DMD: variants seen among roughly 807,000 people sequenced by gnomAD.
The protein encoded by DMD is dystrophin.
DMD carries 63 observed loss-of-function variants against 330.1 expected under a neutral mutation model. The observed-to-expected ratio is 0.19, with a 90% CI of 0.16 to 0.24. The LOEUF (loss-of-function observed/expected upper bound fraction) is 0.24, where lower values mean the gene tolerates loss of function less well. DMD is among the 10% of genes least tolerant of loss of function. The pLI is 1.00. For synonymous variants in DMD, 1,223 were observed against 959.8 expected, an observed-to-expected ratio of 1.27 and a Z score of -5.07; for missense variants, 3,344 against 2,684.1, an observed-to-expected ratio of 1.25 and a Z score of -5.43.
At chrX:33,209,728 C>A (rs193055268) in intron 1 of DMD, among the ~76,000 whole-genome samples, 1 of 111,021 alleles carries the variant, frequency 9.0e-6, no homozygotes, top group Admixed American at 9.6e-5. Flanking sequence ...TTTTTAAATG[C>A]AGCGTGAAAA....
intron 62 of DMD, among the ~76,000 whole-genome samples, chrX:31,295,850 A>G (rs191078822): frequency 1.1e-4 from 12 of 112,677 alleles, no homozygotes. Context: ...AATGTTGAGA[A>G]TATACTTACA....
chrX:32,652,924 A>AT (rs1376202455), intron 9 of DMD, among the ~76,000 whole-genome samples: 1 of 111,454 alleles, frequency 9.0e-6, no homozygotes, highest in Non-Finnish European at 1.9e-5. Context: ...GATGATGAGC[A>AT]TTTTTTTCAT....
chrX:33,045,346 T>C (rs2094365181), intron 1 of DMD, among the ~76,000 whole-genome samples: 1 of 25,997 alleles, frequency 3.8e-5, no homozygotes, highest in South Asian at 1.5e-3. Flanking sequence ...ACACAAGTAT[T>C]TCGTGAGATT....
chrX:31,906,214 A>T (rs183304476), intron 47 of DMD, among the ~76,000 whole-genome samples: 5 of 111,795 alleles, frequency 4.5e-5, no homozygotes, highest in African/African-American at 1.3e-4. Flanking sequence ...TTGCTTCCCC[A>T]TCTGCCATGA....
chrX:32,524,788 TA>T (rs1372661500), intron 17 of DMD, among the ~76,000 whole-genome samples: 2 of 112,558 alleles, frequency 1.8e-5, no homozygotes, highest in South Asian at 3.7e-4. Context: ...TCTGACTTTA[TA>T]AATTTGGAAA....
At chrX:32,189,472 C>T (rs56185821) in intron 44 of DMD, among the ~76,000 whole-genome samples, 32,530 of 109,266 alleles carry the variant, frequency 0.3, 3,674 homozygotes, top group Non-Finnish European at 0.35. Context: ...ATAGCTGCTT[C>T]CAATGCCACA....
rs772185989 is a variant in DMD, at chrX:32,236,664, C to T, written c.6291-19601G>A. Among the ~76,000 whole-genome samples, 6 of 111,729 alleles carry T rather than the reference C, an allele frequency of 5.4e-5. No homozygotes were observed. In the Admixed American group the frequency reaches 5.7e-4, roughly 11 times the overall value. On this transcript the variant is annotated intron_variant, in intron 43 of 78. Coordinates refer to ENST00000357033, the MANE Select transcript of DMD (RefSeq NM_004006.3). ...TGCCATTCATGTAAGATGTGACTTG[C>T]TCCTCCTTGCCTTCTGCCAAGATTG...
chrX:32,432,142 C>A (rs943913357), intron 29 of DMD, among the ~76,000 whole-genome samples: 4 of 111,693 alleles, frequency 3.6e-5, no homozygotes, highest in Non-Finnish European at 7.5e-5. Context: ...TATTACTTTG[C>A]ACTCACAGTG....
At chrX:32,671,032 C>A (rs1170003599) in intron 9 of DMD, among the ~76,000 whole-genome samples, 2 of 110,572 alleles carry the variant, frequency 1.8e-5, no homozygotes, top group Non-Finnish European at 3.8e-5. Flanking sequence ...CAAAGATCCA[C>A]CAATATAGAT....
intron 5 of DMD, among the ~76,000 whole-genome samples, chrX:32,819,552 T>C (rs978772039): frequency 1.8e-5 from 2 of 111,970 alleles, no homozygotes; most frequent in African/African-American, 6.5e-5. Context: ...TTACAAAATA[T>C]GCGTTACTGT....
intron 43 of DMD, among the ~76,000 whole-genome samples, chrX:32,252,667 T>TATATATATATATAA (rs1557242918): frequency 4.9e-5 from 2 of 40,748 alleles, no homozygotes; most frequent in Non-Finnish European, 7.6e-5. Flanking sequence ...TATATAAATA[T>TATATATATATATAA]ATATATATAA....
chrX:31,189,986 T>C (rs2148411113), intron 67 of DMD, among the ~76,000 whole-genome samples: 1 of 112,515 alleles, frequency 8.9e-6, no homozygotes, highest in Non-Finnish European at 1.9e-5. Flanking sequence ...TTAGAAGGTA[T>C]GTACAGAATG....
intron 67 of DMD, among the ~76,000 whole-genome samples, chrX:31,199,526 C>T (rs1040021231): frequency 1.8e-5 from 2 of 112,039 alleles, no homozygotes; most frequent in African/African-American, 6.5e-5. Context: ...CAAAATTTTA[C>T]ATTTAGACCT....
At chrX:32,320,808 T>A (rs934306701) in intron 41 of DMD, among the ~76,000 whole-genome samples, 1 of 111,876 alleles carries the variant, frequency 8.9e-6, no homozygotes, top group African/African-American at 3.2e-5. Context: ...ATGTGAAAAC[T>A]AAGATTATAT....
At chrX:32,007,924 T>C (rs1272414008) in intron 44 of DMD, among the ~76,000 whole-genome samples, 2 of 112,006 alleles carry the variant, frequency 1.8e-5, no homozygotes, top group South Asian at 3.7e-4. Context: ...AAATTAAGAC[T>C]ACTGAATAAT....
chrX:32,686,045 G>C (rs148174819), intron 9 of DMD, among the ~76,000 whole-genome samples: 4 of 111,495 alleles, frequency 3.6e-5, no homozygotes, highest in East Asian at 5.6e-4. Flanking sequence ...GTAGATTTGA[G>C]ACCCACATGG....
chrX:31,267,156 AC>A (rs2051247337), intron 62 of DMD, among the ~76,000 whole-genome samples: 1 of 110,296 alleles, frequency 9.1e-6, no homozygotes, highest in Non-Finnish European at 1.9e-5. Context: ...TTTAAGGTAG[AC>A]CCAGGAACCT....
At chrX:31,167,044 C>T (rs1050306555) in intron 74 of DMD, among the ~76,000 whole-genome samples, 4 of 111,693 alleles carry the variant, frequency 3.6e-5, no homozygotes, top group Non-Finnish European at 5.6e-5. Context: ...AGGTTTATTC[C>T]GGGACACTCA....
chrX:32,815,502 T>A (rs925931415), intron 6 of DMD, among the ~76,000 whole-genome samples: 4 of 56,411 alleles, frequency 7.1e-5, no homozygotes, highest in South Asian at 6.3e-4. Context: ...AGCATATATA[T>A]ATATATATAT....
Sources: gnomAD v4.1 joint callset for allele counts (sites outside exome capture counted in the v4.1 genomes callset) on GRCh38, gnomAD v4.1.1 for gene constraint, MANE v1.5 for transcripts, NCBI Gene and HGNC (gene_info 2026-07-23, HGNC 2026-07-21) for gene names.